Variants in GLT8D2 observed in about 807,000 individuals in gnomAD.
The protein encoded by GLT8D2 is glycosyltransferase 8 domain containing 2.
GLT8D2 carries 45 observed loss-of-function variants against 44.5 expected under a neutral mutation model. That is an observed-to-expected ratio of 1.01 (90% CI 0.80 to 1.30). GLT8D2 has a LOEUF of 1.30. Among genes scored for constraint, GLT8D2 ranks in the 50% most tolerant of loss-of-function variants. The pLI, the probability that GLT8D2 is intolerant of heterozygous loss-of-function variation, is 0.00. For missense variants in GLT8D2, 400 were observed against 430.4 expected, an observed-to-expected ratio of 0.93 and a Z score of 0.62; for synonymous variants, 156 against 157.2, an observed-to-expected ratio of 0.99 and a Z score of 0.06.
intron 1 of GLT8D2, among the ~76,000 whole-genome samples, chr12:104,029,519 G>C (rs1429532355): frequency 6.6e-6 from 1 of 152,164 alleles, no homozygotes; most frequent in African/African-American, 2.4e-5. Flanking sequence ...GAAAGAGAGA[G>C]AGTGAGAGGT....
At chr12:104,001,466 G>C (rs999864154) in intron 5 of GLT8D2, among the ~76,000 whole-genome samples, 2 of 152,152 alleles carry the variant, frequency 1.3e-5, no homozygotes, top group Admixed American at 6.5e-5. Flanking sequence ...TGTTGACCTT[G>C]CCAAATGTCT....
intron 1 of GLT8D2, among the ~76,000 whole-genome samples, chr12:104,044,618 C>T (rs960954608): frequency 3.9e-5 from 6 of 152,210 alleles, no homozygotes; most frequent in East Asian, 1.9e-4. Flanking sequence ...CTTCAATCAC[C>T]GAGTCCTACT....
Position 103,997,514 on chromosome 12 carries a change from G to A in GLT8D2, c.424C>T (p.Leu142Phe). The change falls in exon 7 of 11, where the codon CTC (leucine) becomes TTC (phenylalanine). Residue 142 changes from leucine (L) to phenylalanine (F), a missense_variant. Transcript: ENST00000360814. The stretch of plus-strand genomic sequence containing the variant: ...TCGTGTTGGTGGATAAGTAGAGGGA[G>A]ATAAAATCGAACAAAGTTCAGCTGT... ...LQPLNFVRFY[L>F]PLLIHQHEKV... 2 of 1,613,546 alleles carry A rather than the reference G, an allele frequency of 1.2e-6. No homozygotes were observed. The highest frequency in any genetic ancestry group is 1.7e-6 in the Non-Finnish European group (2 of 1,179,474).
chr12:104,051,534 T>C (rs973289768), upstream of GLT8D2, among the ~76,000 whole-genome samples: 1 of 152,218 alleles, frequency 6.6e-6, no homozygotes, highest in Non-Finnish European at 1.5e-5. Context: ...ATACAATGTA[T>C]AGTGATCAGA....
intron 4 of GLT8D2, among the ~76,000 whole-genome samples, chr12:104,003,935 C>T (rs1874598164): frequency 6.6e-6 from 1 of 151,994 alleles, no homozygotes; most frequent in Non-Finnish European, 1.5e-5. Flanking sequence ...ACTCTTTCTG[C>T]TTCTGAGATT....
intron 4 of GLT8D2, among the ~76,000 whole-genome samples, chr12:104,011,277 A>T (rs890629208): frequency 1.3e-5 from 2 of 152,236 alleles, no homozygotes; most frequent in African/African-American, 4.8e-5. Context: ...CCTGAGCCAA[A>T]GCATTAAAAT....
chr12:104,023,775 G>A (rs977729842), intron 1 of GLT8D2, among the ~76,000 whole-genome samples: 1 of 152,122 alleles, frequency 6.6e-6, no homozygotes, highest in African/African-American at 2.4e-5. Flanking sequence ...CATATAAATG[G>A]AATCCTACAG....
At chr12:104,002,303 C>T (rs1874326656) in intron 5 of GLT8D2, among the ~76,000 whole-genome samples, 1 of 152,172 alleles carries the variant, frequency 6.6e-6, no homozygotes, top group Admixed American at 6.5e-5. Context: ...TTTTTTTCCT[C>T]TGTGAATTAT....
At chr12:104,000,754 T>G (rs1341931648) in intron 5 of GLT8D2, among the ~76,000 whole-genome samples, 1 of 152,110 alleles carries the variant, frequency 6.6e-6, no homozygotes, top group Non-Finnish European at 1.5e-5. Flanking sequence ...ACAGGCTAAG[T>G]GAATGATGAG....
intron 1 of GLT8D2, among the ~76,000 whole-genome samples, chr12:104,056,335 C>CT (rs1374635322): frequency 6.6e-6 from 1 of 152,206 alleles, no homozygotes; most frequent in Admixed American, 6.5e-5. Flanking sequence ...CTTCTCAGAC[C>CT]TCTGGCAATA....
chr12:104,019,547 GAAGAA>G, intron 3 of GLT8D2, 78 bp downstream of exon 3: 1 of 1,087,362 alleles, frequency 9.2e-7, no homozygotes, highest in East Asian at 2.5e-5. Context: ...ATCCAAGAAA[GAAGAA>G]AAGAGCCAAG....
intron 1 of GLT8D2, among the ~76,000 whole-genome samples, chr12:104,061,934 G>A (rs573587974): frequency 9.9e-5 from 14 of 141,964 alleles, no homozygotes; most frequent in Admixed American, 5.8e-4. Context: ...CAATATCGGC[G>A]CCATTACACC....
At chr12:104,019,110 T>C (rs758311042) in intron 3 of GLT8D2, among the ~76,000 whole-genome samples, 26 of 137,434 alleles carry the variant, frequency 1.9e-4, no homozygotes, top group Admixed American at 6.4e-4. Context: ...TCACTTCCAC[T>C]TCTTCTTCTT....
chr12:104,043,630 C>T (rs984361559), intron 1 of GLT8D2, among the ~76,000 whole-genome samples: 2 of 152,144 alleles, frequency 1.3e-5, no homozygotes, highest in Admixed American at 1.3e-4. Flanking sequence ...CCACGCCCAG[C>T]TAGTTTTTGT....
chr12:104,008,768 A>G (rs556727976), intron 4 of GLT8D2, among the ~76,000 whole-genome samples: 1 of 152,216 alleles, frequency 6.6e-6, no homozygotes, highest in Non-Finnish European at 1.5e-5. Flanking sequence ...CATGCAGCCT[A>G]GGGACGTGGT....
At chr12:103,996,198 T>C (rs1467698933) in intron 8 of GLT8D2, among the ~76,000 whole-genome samples, 1 of 152,246 alleles carries the variant, frequency 6.6e-6, no homozygotes, top group Admixed American at 6.5e-5. Context: ...CAGCATTGCA[T>C]GTAGGTTCAA....
At chr12:103,994,649 G>T in intron 8 of GLT8D2, 148 bp from the exon 9 acceptor site, 1 of 668,284 alleles carries the variant, frequency 1.5e-6, no homozygotes. Flanking sequence ...GTTTTGTTTT[G>T]CTGGTTTCCC....
intron 1 of GLT8D2, among the ~76,000 whole-genome samples, chr12:104,038,645 A>G (rs1351813730): frequency 6.6e-6 from 1 of 152,254 alleles, no homozygotes; most frequent in Non-Finnish European, 1.5e-5. Context: ...GAAATAAAAG[A>G]GGACACAAAC....
chr12:104,030,243 C>T (rs909140076), intron 1 of GLT8D2, among the ~76,000 whole-genome samples: 1 of 152,052 alleles, frequency 6.6e-6, no homozygotes, highest in Non-Finnish European at 1.5e-5. Context: ...ACAAAGAATA[C>T]ACAATGGGGA....
Sources: gnomAD v4.1 joint callset for allele counts (sites outside exome capture counted in the v4.1 genomes callset) on GRCh38, gnomAD v4.1.1 for gene constraint, MANE v1.5 for transcripts, NCBI Gene and HGNC (gene_info 2026-07-23, HGNC 2026-07-21) for gene names.